PRKCE: variants seen among roughly 807,000 people sequenced by gnomAD.
The protein encoded by PRKCE is protein kinase C epsilon type.
Under a neutral mutation model 85.4 loss-of-function variants are expected in PRKCE, and 16 were observed. The ratio of observed to expected loss-of-function variants is 0.19; its 90% CI spans 0.13 to 0.28. PRKCE has a LOEUF of 0.28. Among genes scored for constraint, PRKCE ranks in the 10% least tolerant of loss-of-function variants. The probability of loss-of-function intolerance (pLI) is 1.00; values close to 1 mark genes in which losing one functional copy is unlikely to be tolerated. For missense variants in PRKCE, 573 were observed against 975.2 expected, an observed-to-expected ratio of 0.59 and a Z score of 5.49; for synonymous variants, 388 against 371.5, an observed-to-expected ratio of 1.04 and a Z score of -0.51.
At chr2:46,009,612 G>T (rs1222581927) in intron 9 of PRKCE, among the ~76,000 whole-genome samples, 1 of 152,200 alleles carries the variant, frequency 6.6e-6, no homozygotes, top group East Asian at 1.9e-4. Flanking sequence ...TAGGAAATGT[G>T]CAAAATGCTT....
intron 1 of PRKCE, among the ~76,000 whole-genome samples, chr2:45,760,468 G>A (rs898484513): frequency 6.6e-6 from 1 of 152,190 alleles, no homozygotes; most frequent in Non-Finnish European, 1.5e-5. Flanking sequence ...ATTTTCTCAT[G>A]TGGGAGTTTA....
chr2:45,669,321 C>T (rs1404906720), intron 1 of PRKCE, among the ~76,000 whole-genome samples: 1 of 152,192 alleles, frequency 6.6e-6, no homozygotes, highest in Non-Finnish European at 1.5e-5. Flanking sequence ...GGATTTACAG[C>T]AGTGTTTTAG....
intron 10 of PRKCE, among the ~76,000 whole-genome samples, chr2:46,028,644 C>A (rs768864869): frequency 1.3e-5 from 2 of 152,130 alleles, no homozygotes; most frequent in Admixed American, 6.5e-5. Flanking sequence ...TTTCTATAAG[C>A]CAAGAATGAT....
At chr2:45,740,247 A>G (rs986850434) in intron 1 of PRKCE, among the ~76,000 whole-genome samples, 1 of 152,060 alleles carries the variant, frequency 6.6e-6, no homozygotes, top group Non-Finnish European at 1.5e-5. Flanking sequence ...TGACTGGAGC[A>G]GTGAAGCTGT....
chr2:46,167,271 C>T (rs1558522606), intron 14 of PRKCE, among the ~76,000 whole-genome samples: 1 of 152,202 alleles, frequency 6.6e-6, no homozygotes, highest in Non-Finnish European at 1.5e-5. Context: ...CTGATCATAG[C>T]ATGGGGGTTA....
intron 1 of PRKCE, among the ~76,000 whole-genome samples, chr2:45,773,388 A>G (rs1203446289): frequency 6.6e-6 from 1 of 152,210 alleles, no homozygotes; most frequent in Non-Finnish European, 1.5e-5. Flanking sequence ...CCCTGTGCTA[A>G]GCACTTGACA....
At chr2:46,166,376 C>G (rs79809979) in intron 14 of PRKCE, among the ~76,000 whole-genome samples, 4,143 of 152,334 alleles carry the variant, frequency 0.027, 78 homozygotes, top group Non-Finnish European at 0.038. Flanking sequence ...GAGGACATCC[C>G]CCTGGACTGT....
intron 1 of PRKCE, among the ~76,000 whole-genome samples, chr2:45,805,293 G>T (rs1196879547): frequency 6.6e-6 from 1 of 152,152 alleles, no homozygotes; most frequent in Non-Finnish European, 1.5e-5. Flanking sequence ...GCATGATTTT[G>T]TGCTCCTAGC....
chr2:45,857,125 G>A (rs1241642982), intron 2 of PRKCE, among the ~76,000 whole-genome samples: 1 of 152,154 alleles, frequency 6.6e-6, no homozygotes, highest in Non-Finnish European at 1.5e-5. Context: ...AAGAGCTTTT[G>A]TACTGCTTTC....
intron 1 of PRKCE, among the ~76,000 whole-genome samples, chr2:45,729,433 A>G (rs10206706): frequency 0.037 from 5,608 of 151,566 alleles, 316 homozygotes; most frequent in African/African-American, 0.13. Flanking sequence ...TGTAGATGTG[A>G]TATCAAGCCA....
At chr2:45,884,991 A>T (rs200036963) in intron 2 of PRKCE, among the ~76,000 whole-genome samples, 8,461 of 57,576 alleles carry the variant, frequency 0.15, 937 homozygotes, top group East Asian at 0.54. Flanking sequence ...ATATATATAT[A>T]TATATATATA....
chr2:45,784,219 C>T (rs925924834), intron 1 of PRKCE, among the ~76,000 whole-genome samples: 4 of 152,218 alleles, frequency 2.6e-5, no homozygotes, highest in African/African-American at 9.6e-5. Context: ...TTGGCCTTGG[C>T]CAGGATCCCA....
intron 14 of PRKCE, among the ~76,000 whole-genome samples, chr2:46,160,581 AG>A (rs60544293): frequency 0.84 from 127,720 of 151,930 alleles, 53,858 homozygotes; most frequent in East Asian, 0.97. Flanking sequence ...TGGGAGGTGA[AG>A]GGGGGTGTGC....
chr2:45,868,412 G>C (rs1270663734), intron 2 of PRKCE, among the ~76,000 whole-genome samples: 1 of 149,854 alleles, frequency 6.7e-6, no homozygotes, highest in Admixed American at 6.6e-5. Context: ...GTACACTAAG[G>C]TATAAGTAGT....
intron 10 of PRKCE, among the ~76,000 whole-genome samples, chr2:46,054,622 A>G (rs1480900931): frequency 6.6e-6 from 1 of 152,226 alleles, no homozygotes; most frequent in Non-Finnish European, 1.5e-5. Context: ...GGTGTCTCTC[A>G]GAAATCCTCT....
chr2:45,814,583 G>A (rs2105288699), intron 1 of PRKCE, among the ~76,000 whole-genome samples: 1 of 152,344 alleles, frequency 6.6e-6, no homozygotes, highest in Admixed American at 6.5e-5. Flanking sequence ...ACATGGAAAA[G>A]GAGGGATGGG....
intron 1 of PRKCE, among the ~76,000 whole-genome samples, chr2:45,803,542 C>T (rs568649541): frequency 1.3e-5 from 2 of 152,278 alleles, no homozygotes; most frequent in Admixed American, 6.5e-5. Context: ...TCCCTCTGCC[C>T]TGCTTGTCAC....
At chr2:45,938,802 C>G (rs369087309) in intron 2 of PRKCE, among the ~76,000 whole-genome samples, 1 of 152,224 alleles carries the variant, frequency 6.6e-6, no homozygotes, top group Non-Finnish European at 1.5e-5. Context: ...TCTCACTCAT[C>G]TACAGTTCTC....
intron 2 of PRKCE, among the ~76,000 whole-genome samples, chr2:45,946,091 G>A (rs1456380574): frequency 6.6e-6 from 1 of 152,248 alleles, no homozygotes; most frequent in Non-Finnish European, 1.5e-5. Context: ...TGCCCTCCCA[G>A]GGCGTAGGAT....
Sources: allele counts gnomAD v4.1 joint callset (sites outside exome capture counted in the v4.1 genomes callset), GRCh38; gene constraint gnomAD v4.1.1; transcripts MANE v1.5; gene names NCBI Gene and HGNC (gene_info 2026-07-23, HGNC 2026-07-21).